Variants in ADAMTS3 observed in about 807,000 individuals in gnomAD.
ADAMTS3 encodes the protein A disintegrin and metalloproteinase with thrombospondin motifs 3.
ADAMTS3 carries 73 observed loss-of-function variants against 129.0 expected under a neutral mutation model. The observed-to-expected ratio is 0.57, with a 90% CI of 0.47 to 0.69. The LOEUF (loss-of-function observed/expected upper bound fraction) is 0.69. Among genes scored for constraint, ADAMTS3 ranks in the 30% least tolerant of loss-of-function variants. The pLI is 0.00. For missense variants in ADAMTS3, 1,457 were observed against 1,514.5 expected, an observed-to-expected ratio of 0.96 and a Z score of 0.63; for synonymous variants, 477 against 510.8, an observed-to-expected ratio of 0.93 and a Z score of 0.89.
rs138103999 is a variant in ADAMTS3, at chr4:72,290,924, A to G, written c.2862T>C (p.Arg954=). 42 of 1,613,882 alleles carry G rather than the reference A, an allele frequency of 2.6e-5. No individual in the cohort carries two copies. The highest frequency in any genetic ancestry group is 3.3e-5 in the Non-Finnish European group (39 of 1,179,962). The change falls in exon 20 of 22, where the codon CGT becomes CGC. Residue 954 remains arginine, a synonymous_variant. Coordinates refer to ENST00000286657, the MANE Select transcript of ADAMTS3 (RefSeq NM_014243.3). The stretch of plus-strand genomic sequence containing the variant: ...TGTTACAGGGCCGGCGGCTCTCGGG[A>G]CGGTCACCCATGCAGTATTTGCTGT... ...SVHSKYCMGD[R]PESRRPCNRV... is the part of the protein sequence containing the mutation.
At position 72,283,689 on chromosome 4, in the gene ADAMTS3, C is replaced by T. The variant is rs768004829; in HGVS notation, c.3065G>A (p.Gly1022Glu). 6.4e-7 allele frequency: 1 copy of T among 1,571,252 alleles called. No individual in the cohort carries two copies. Among genetic ancestry groups the T allele is most frequent in the South Asian group, 1.2e-5 (1 of 86,234 alleles). Reference sequence around the variant, plus strand: ...CATTTGACAGAATATGGACTTGTCTCCCAAACATGGTTCATCTGCAAAAAT... The same window carrying T: ...CATTTGACAGAATATGGACTTGTCTTCCAAACATGGTTCATCTGCAAAAAT... ...LPPCNDEPCL[G>E]DKSIFCQMEV... The change falls in exon 22 of 22, where the codon GGA becomes GAA. Residue 1022 changes from glycine to glutamate, a missense_variant. Physicochemically the swap from Gly to Glu is moderately conservative, Grantham distance 98 (BLOSUM62 -2). Coordinates refer to ENST00000286657, the MANE Select transcript of ADAMTS3 (RefSeq NM_014243.3).
Position 72,424,608 on chromosome 4 carries a change from C to T in ADAMTS3, c.505-9637G>A, listed in dbSNP as rs181171399. Among the ~76,000 whole-genome samples, 6 of 152,006 alleles carry T rather than the reference C, an allele frequency of 3.9e-5. No individual in the cohort carries two copies. In the East Asian group the frequency reaches 1.2e-3, roughly 29 times the overall value. On this transcript the variant is annotated intron_variant, in intron 3 of 21. Transcript: ENST00000286657. ...TGAACATGATTACACAAAAAGAGCC[C>T]TAGGAAGCTCATTATTGTAATAACA... is the stretch of plus-strand genomic sequence containing the variant.
At chr4:72,451,197 A>C (rs1718395032) in intron 3 of ADAMTS3, among the ~76,000 whole-genome samples, 1 of 151,672 alleles carries the variant, frequency 6.6e-6, no homozygotes, top group Non-Finnish European at 1.5e-5. Context: ...CTAAAACAGG[A>C]GAAGATCAAG....
intron 4 of ADAMTS3, among the ~76,000 whole-genome samples, chr4:72,361,275 A>G (rs1720720896): frequency 6.6e-6 from 1 of 152,170 alleles, no homozygotes; most frequent in African/African-American, 2.4e-5. Flanking sequence ...TATCTCACAA[A>G]TTGTTATGTG....
At chr4:72,315,192 T>C (rs1014321023) in intron 11 of ADAMTS3, among the ~76,000 whole-genome samples, 5 of 152,212 alleles carry the variant, frequency 3.3e-5, no homozygotes, top group Admixed American at 6.5e-5. Flanking sequence ...AGGGGGCAGA[T>C]AGTCTGCTGA....
intron 3 of ADAMTS3, among the ~76,000 whole-genome samples, chr4:72,481,141 C>G (rs1719424491): frequency 6.6e-6 from 1 of 152,074 alleles, no homozygotes; most frequent in African/African-American, 2.4e-5. Flanking sequence ...AACTTGTGAA[C>G]AAGCTTGATG....
chr4:72,362,725 T>C (rs549339310), intron 4 of ADAMTS3, among the ~76,000 whole-genome samples: 1 of 152,154 alleles, frequency 6.6e-6, no homozygotes, highest in Non-Finnish European at 1.5e-5. Context: ...TTAATCATGA[T>C]CACTGCCTGA....
chr4:72,437,858 T>C lies in ADAMTS3; in HGVS notation c.505-22887A>G, dbSNP rs147005030. Among the ~76,000 whole-genome samples the C allele has an allele frequency of 5.7e-4, 86 of 151,864 alleles. No individual in the cohort carries two copies. The East Asian group carries it at 0.012, about 21-fold the overall frequency. On this transcript the variant is annotated intron_variant, in intron 3 of 21. Coordinates refer to ENST00000286657, the MANE Select transcript of ADAMTS3 (RefSeq NM_014243.3). ...TTTCATTAATATTAACAATAGGTAA[T>C]ATGCTAATAATAGTAATGGAAAAAA...
chr4:72,385,440 G>A (rs2109884977), intron 4 of ADAMTS3, among the ~76,000 whole-genome samples: 1 of 152,060 alleles, frequency 6.6e-6, no homozygotes, highest in South Asian at 2.1e-4. Context: ...CGAAGAGCAG[G>A]TAGGACAAAC....
intron 5 of ADAMTS3, among the ~76,000 whole-genome samples, chr4:72,333,222 T>C (rs1218008253): frequency 6.6e-6 from 1 of 152,204 alleles, no homozygotes; most frequent in African/African-American, 2.4e-5. Context: ...TAAATCTTCA[T>C]TTTGAATCTA....
At chr4:72,488,613 C>A (rs1027255121) in intron 3 of ADAMTS3, among the ~76,000 whole-genome samples, 24 of 151,806 alleles carry the variant, frequency 1.6e-4, no homozygotes, top group African/African-American at 5.8e-4. Flanking sequence ...GCAGGGTAAT[C>A]TTTTTCAAGA....
chr4:72,515,315 T>C (rs1165748137), intron 3 of ADAMTS3, among the ~76,000 whole-genome samples: 3 of 151,438 alleles, frequency 2.0e-5, no homozygotes, highest in African/African-American at 4.9e-5. Context: ...TGTGTCTTTA[T>C]AGCAGCATGA....
Position 72,298,374 on chromosome 4 carries a change from T to C in ADAMTS3, c.2493A>G (p.Val831=). ...TYKYIIHEDS[V]PTINSNNVIQ... is the part of the protein sequence containing the mutation. ...TGACATTGTTGCTGTTGATTGTAGG[T>C]ACAGAGTCTTCATGGATGATGTACT... The change falls in exon 18 of 22, where the codon GTA becomes GTG. Residue 831 remains valine, a synonymous_variant. Coordinates refer to ENST00000286657, the MANE Select transcript of ADAMTS3 (RefSeq NM_014243.3). The C allele has an allele frequency of 6.2e-7, 1 of 1,613,170 alleles. No homozygotes were observed. Among genetic ancestry groups the C allele is most frequent in the Non-Finnish European group, 8.5e-7 (1 of 1,179,324 alleles).
At position 72,312,544 on chromosome 4, in the gene ADAMTS3, G is replaced by T. The variant is rs563938570; in HGVS notation, c.1746-78C>A. Reference sequence around the variant, plus strand: ...AAGCTTGCAGACACAGTGCTTGAGGGCACAAAGCCAAAGTTTCTGGGCTGC... The same window carrying T: ...AAGCTTGCAGACACAGTGCTTGAGGTCACAAAGCCAAAGTTTCTGGGCTGC... On this transcript the variant is annotated intron_variant, in intron 12 of 21. Transcript: ENST00000286657. 119 of 1,424,198 alleles carry T rather than the reference G, an allele frequency of 8.4e-5. No homozygotes were observed. In the African/African-American group the frequency reaches 1.5e-3, roughly 17 times the overall value. The allele number at this position is 1,424,198 out of a possible 1,614,324, so 88.2% of individuals were successfully genotyped here.
At chr4:72,555,460 C>T (rs1721740129) in intron 2 of ADAMTS3, among the ~76,000 whole-genome samples, 1 of 151,924 alleles carries the variant, frequency 6.6e-6, no homozygotes, top group Middle Eastern at 3.4e-3. Flanking sequence ...CCCATCTTTT[C>T]CAAGAAACCT....
chr4:72,375,860 A>G (rs748965917), intron 4 of ADAMTS3, among the ~76,000 whole-genome samples: 25 of 152,320 alleles, frequency 1.6e-4, no homozygotes, highest in Non-Finnish European at 2.9e-4. Flanking sequence ...TCTCTTATAT[A>G]TTTAAAAAAG....
chr4:72,437,277 T>C (rs1717967498), intron 3 of ADAMTS3, among the ~76,000 whole-genome samples: 1 of 151,868 alleles, frequency 6.6e-6, no homozygotes, highest in South Asian at 2.1e-4. Flanking sequence ...TGCAGTGTTG[T>C]TCCACAGACA....
intron 5 of ADAMTS3, among the ~76,000 whole-genome samples, chr4:72,326,678 C>T (rs1382040532): frequency 6.6e-6 from 1 of 152,026 alleles, no homozygotes; most frequent in African/African-American, 2.4e-5. Context: ...GCTCCTATCC[C>T]CCATCCATGC....
chr4:72,388,016 C>T (rs1721492060), intron 4 of ADAMTS3, among the ~76,000 whole-genome samples: 1 of 152,122 alleles, frequency 6.6e-6, no homozygotes, highest in African/African-American at 2.4e-5. Flanking sequence ...TCTTATTTGT[C>T]AGTGAGATGG....
Sources: allele counts gnomAD v4.1 joint callset (sites outside exome capture counted in the v4.1 genomes callset), GRCh38; gene constraint gnomAD v4.1.1; transcripts MANE v1.5; gene names NCBI Gene and HGNC (gene_info 2026-07-23, HGNC 2026-07-21).